The following VEPH1 variants were observed in gnomAD, a reference collection of about 807,000 sequenced individuals.
VEPH1 encodes ventricular zone expressed PH domain containing 1.
VEPH1 carries 80 observed loss-of-function variants against 85.2 expected under a neutral mutation model. The ratio of observed to expected loss-of-function variants is 0.94; its 90% CI spans 0.78 to 1.13. VEPH1 has a LOEUF of 1.13. Among genes scored for constraint, VEPH1 ranks in the 50% most tolerant of loss-of-function variants. VEPH1 has a pLI of 0.00. For synonymous variants in VEPH1, 297 were observed against 348.0 expected (o/e 0.85, Z 1.63); for missense variants, 955 against 980.5 (o/e 0.97, Z 0.35).
intron 4 of VEPH1, among the ~76,000 whole-genome samples, chr3:157,438,860 A>C (rs1033681549): frequency 6.6e-6 from 1 of 152,270 alleles, no homozygotes; most frequent in African/African-American, 2.4e-5. Flanking sequence ...TTTGGATTGT[A>C]TTAGAAAATC....
In VEPH1 at chr3:157,470,323, G is replaced by T. The variant is rs967406952; in HGVS notation, c.345C>A (p.Cys115Ter). 11 of 1,613,974 alleles carry T rather than the reference G, an allele frequency of 6.8e-6. No individual in the cohort carries two copies. Among genetic ancestry groups the T allele is most frequent in the Non-Finnish European group, 9.3e-6 (11 of 1,179,994 alleles). The part of the protein sequence containing the change: ...HAKIASDIMS[C>*]ILQNYNRPPV... Reference sequence around the variant, plus strand: ...TTGAACACTGACATACCTGTAAAATGCAACTCATGATATCAGATGCGATTT... The same window carrying T: ...TTGAACACTGACATACCTGTAAAATTCAACTCATGATATCAGATGCGATTT... The change falls in exon 3 of 14, where the codon TGC becomes TGA. Residue 115 changes from cysteine (C) to a stop codon, truncating the protein, a stop_gained. Transcript: ENST00000362010. LOFTEE classifies it high-confidence loss of function.
intron 6 of VEPH1, among the ~76,000 whole-genome samples, chr3:157,406,993 CAAA>C (rs111501334): frequency 8.3e-6 from 1 of 120,656 alleles, no homozygotes. Flanking sequence ...GTTGGCCTCC[CAAA>C]AAAAAAAAAA....
intron 11 of VEPH1, among the ~76,000 whole-genome samples, chr3:157,293,872 G>A (rs946547731): frequency 2.6e-5 from 4 of 152,150 alleles, no homozygotes; most frequent in African/African-American, 9.7e-5. Flanking sequence ...TGGGAGCAAG[G>A]CCAAAACACT....
intron 4 of VEPH1, among the ~76,000 whole-genome samples, chr3:157,455,370 C>G (rs1232449218): frequency 2.6e-5 from 4 of 151,396 alleles, no homozygotes; most frequent in African/African-American, 7.3e-5. Flanking sequence ...TTTTCATATA[C>G]TTGTTGACTG....
intron 6 of VEPH1, among the ~76,000 whole-genome samples, chr3:157,404,269 G>C (rs951743223): frequency 2.6e-5 from 4 of 152,084 alleles, no homozygotes; most frequent in African/African-American, 4.8e-5. Context: ...GGAGGTATAA[G>C]GTATGGTTCC....
At chr3:157,331,081 G>T (rs1385864081) in intron 9 of VEPH1, among the ~76,000 whole-genome samples, 2 of 152,160 alleles carry the variant, frequency 1.3e-5, no homozygotes, top group East Asian at 3.9e-4. Context: ...AACATGACTT[G>T]CAGCCAAGAA....
At chr3:157,261,491 G>GTTAT (rs1287612581) in intron 13 of VEPH1, 121 bp from the exon 14 acceptor site, 7 of 1,461,656 alleles carry the variant, frequency 4.8e-6, no homozygotes, top group Non-Finnish European at 6.4e-6. Flanking sequence ...CAAGACCTTT[G>GTTAT]TTATTTTGGG....
At chr3:157,354,453 T>C (rs1419105682) in intron 9 of VEPH1, among the ~76,000 whole-genome samples, 3 of 152,066 alleles carry the variant, frequency 2.0e-5, no homozygotes, top group African/African-American at 4.8e-5. Flanking sequence ...CCACCTGTAG[T>C]CCAACCACCC....
Position 157,283,362 on chromosome 3 carries a change from T to A in VEPH1, c.2128+3195A>T, listed in dbSNP as rs150490640. ...ATCTGTAAAATGAAGTCAATAATGG[T>A]GAGAAAATGAGAAAAATGCATGCAA... On this transcript the variant is annotated intron_variant, in intron 12 of 13. Transcript: ENST00000362010. Among the ~76,000 whole-genome samples, 578 of 152,328 alleles carry A rather than the reference T, an allele frequency of 3.8e-3. 6 individuals carry two copies. The highest frequency in any genetic ancestry group is 0.013 in the African/African-American group (552 of 41,578).
intron 11 of VEPH1, among the ~76,000 whole-genome samples, chr3:157,303,291 T>C (rs1308746933): frequency 4.6e-5 from 7 of 152,242 alleles, no homozygotes; most frequent in Non-Finnish European, 8.8e-5. Context: ...CATTATCTTT[T>C]ACAGTATCTA....
At chr3:157,300,936 C>A (rs923320874) in intron 11 of VEPH1, among the ~76,000 whole-genome samples, 3 of 152,196 alleles carry the variant, frequency 2.0e-5, no homozygotes, top group Non-Finnish European at 4.4e-5. Flanking sequence ...CAATAAAAGT[C>A]ATGCTTGTGA....
At chr3:157,275,969 C>T (rs1474040715) in intron 12 of VEPH1, among the ~76,000 whole-genome samples, 1 of 152,128 alleles carries the variant, frequency 6.6e-6, no homozygotes, top group Non-Finnish European at 1.5e-5. Flanking sequence ...ATTTACTAGA[C>T]TGAGTGTCTG....
intron 3 of VEPH1, among the ~76,000 whole-genome samples, chr3:157,465,581 T>C (rs1176692986): frequency 1.3e-5 from 2 of 152,214 alleles, no homozygotes; most frequent in Admixed American, 6.5e-5. Flanking sequence ...GCCTACTGAA[T>C]AAACTGCTAG....
intron 4 of VEPH1, among the ~76,000 whole-genome samples, chr3:157,445,912 A>C (rs943537887): frequency 3.0e-4 from 46 of 152,232 alleles, no homozygotes; most frequent in Non-Finnish European, 7.3e-5. Context: ...TGGATATCTG[A>C]CTTAAAAAAA....
At chr3:157,465,101 A>AT (rs1736240730) in intron 3 of VEPH1, among the ~76,000 whole-genome samples, 1 of 152,182 alleles carries the variant, frequency 6.6e-6, no homozygotes, top group Non-Finnish European at 1.5e-5. Flanking sequence ...CTATATGAGC[A>AT]TTAGATACTG....
intron 6 of VEPH1, 64 bp from the exon 7 acceptor site, chr3:157,381,440 C>G (rs1198565427): frequency 1.3e-6 from 2 of 1,545,310 alleles, no homozygotes; most frequent in African/African-American, 2.7e-5. Context: ...GCATGGTGGT[C>G]ATGCCTGTAA....
At chr3:157,339,305 A>C (rs1222643880) in intron 9 of VEPH1, among the ~76,000 whole-genome samples, 1 of 152,146 alleles carries the variant, frequency 6.6e-6, no homozygotes, top group East Asian at 1.9e-4. Flanking sequence ...TTAGGGGACA[A>C]GGAAATATTC....
Position 157,428,430 on chromosome 3 carries a change from A to T in VEPH1, c.588T>A (p.Ile196=). The change falls in exon 5 of 14, where the codon ATT becomes ATA. Residue 196 remains isoleucine, a synonymous_variant. Transcript: ENST00000362010. The part of the protein sequence containing the change: ...PAVYEKQPQP[I]NRHLTELLAL... ...CCAGGAGTTCTGTCAGGTGTCTATT[A>T]ATTGGCTGAGGCTGCTTTTCATACA... 6.2e-7 allele frequency: 1 copy of T among 1,614,092 alleles called. No homozygotes were observed. The highest frequency in any genetic ancestry group is 8.5e-7 in the Non-Finnish European group (1 of 1,179,996).
intron 2 of VEPH1, among the ~76,000 whole-genome samples, chr3:157,481,465 C>CAA (rs1553796737): frequency 1.2e-3 from 73 of 63,274 alleles, no homozygotes; most frequent in Admixed American, 2.4e-3. Context: ...CACACACACA[C>CAA]AAAAAAAAAA....
Sources: gnomAD v4.1 joint callset for allele counts (sites outside exome capture counted in the v4.1 genomes callset) on GRCh38, gnomAD v4.1.1 for gene constraint, MANE v1.5 for transcripts, NCBI Gene and HGNC (gene_info 2026-07-23, HGNC 2026-07-21) for gene names.